SDHC: variants seen among roughly 807,000 people sequenced by gnomAD.
SDHC encodes succinate dehydrogenase complex subunit C, also known as succinate dehydrogenase cytochrome b560 subunit, mitochondrial.
Under a neutral mutation model 22.6 loss-of-function variants are expected in SDHC, and 11 were observed. The observed-to-expected ratio is 0.49, with a 90% CI of 0.31 to 0.81. SDHC has a LOEUF of 0.81. Among genes scored for constraint, SDHC ranks in the 30% least tolerant of loss-of-function variants. The pLI, the probability that SDHC is intolerant of heterozygous loss-of-function variation, is 0.05. For synonymous variants in SDHC, 80 were observed against 77.8 expected (o/e 1.03, Z -0.15); for missense variants, 160 against 212.0 (o/e 0.75, Z 1.52).
In SDHC at chr1:161,329,354, CAG is replaced by C. The variant is rs544712111; in HGVS notation, c.179+860_179+861del. 1.2e-3 allele frequency among the ~76,000 whole-genome samples: 180 copies of C among 151,942 alleles called. 1 individual carries two copies. Among genetic ancestry groups the C allele is most frequent in the African/African-American group, 4.2e-3 (174 of 41,436 alleles). ...TTCTTCTTTTTTTATTTTTCTGAGG[CAG>C]AGTCTTGCTTGGTCACCCAGGCTGG... is the stretch of plus-strand genomic sequence containing the variant. On this transcript the variant is annotated intron_variant, in intron 3 of 5. Coordinates refer to ENST00000367975, the MANE Select transcript of SDHC (RefSeq NM_003001.5).
At chr1:161,315,110 C>A (rs190740953) in intron 1 of SDHC, among the ~76,000 whole-genome samples, 1 of 152,290 alleles carries the variant, frequency 6.6e-6, no homozygotes, top group Admixed American at 6.5e-5. Flanking sequence ...CTGAACTTTC[C>A]GCTGTCTAGG....
intron 1 of SDHC, 159 bp downstream of exon 1, chr1:161,314,584 C>T: frequency 6.0e-6 from 5 of 829,602 alleles, no homozygotes; most frequent in Non-Finnish European, 9.9e-6. Flanking sequence ...CCCCTTTTCC[C>T]GTCCCCCCCA....
chr1:161,344,639 G>C (rs894207014), intron 4 of SDHC, among the ~76,000 whole-genome samples: 1 of 152,060 alleles, frequency 6.6e-6, no homozygotes, highest in African/African-American at 2.4e-5. Context: ...AATGTTGAAG[G>C]TCCCTCCATC....
chr1:161,318,976 G>A (rs1273406268), intron 1 of SDHC, among the ~76,000 whole-genome samples: 4 of 152,292 alleles, frequency 2.6e-5, no homozygotes, highest in Admixed American at 2.0e-4. Flanking sequence ...CCTGGGAGGC[G>A]GAGGTTGCAG....
chr1:161,356,664 G>A lies in SDHC; in HGVS notation c.242-13G>A. ...ATGAGCAGCTGTGACAAGCTACTTG[G>A]TTTTCTCCTCAGGGGTCTCTCTTTT... On this transcript the variant is annotated splice_polypyrimidine_tract_variant and intron_variant, in intron 4 of 5. Coordinates refer to ENST00000367975, the MANE Select transcript of SDHC (RefSeq NM_003001.5). The A allele has an allele frequency of 1.2e-6, 2 of 1,613,652 alleles. No individual in the cohort carries two copies. The highest frequency in any genetic ancestry group is 1.7e-6 in the Non-Finnish European group (2 of 1,179,838).
intron 1 of SDHC, among the ~76,000 whole-genome samples, chr1:161,322,937 T>C (rs1670891411): frequency 6.6e-6 from 1 of 152,112 alleles, no homozygotes; most frequent in African/African-American, 2.4e-5. Context: ...CCAGTGGGCT[T>C]ATTCTGTTTT....
chr1:161,361,812 C>T (rs1672520428), intron 5 of SDHC, among the ~76,000 whole-genome samples: 1 of 138,972 alleles, frequency 7.2e-6, no homozygotes, highest in Admixed American at 7.9e-5. Flanking sequence ...CACTGCACTC[C>T]AGCCTGGGCG....
At chr1:161,359,759 T>A (rs1331693484) in intron 5 of SDHC, among the ~76,000 whole-genome samples, 6 of 151,992 alleles carry the variant, frequency 3.9e-5, no homozygotes, top group Non-Finnish European at 5.9e-5. Flanking sequence ...TTGTGTTTTC[T>A]GTGACAGTCT....
chr1:161,333,242 T>G (rs1421591390), intron 3 of SDHC, among the ~76,000 whole-genome samples: 1 of 152,202 alleles, frequency 6.6e-6, no homozygotes, highest in Admixed American at 6.5e-5. Context: ...ATTTATAAAT[T>G]GATGGACGTT....
chr1:161,345,264 C>T (rs1290679205), intron 4 of SDHC, among the ~76,000 whole-genome samples: 1 of 152,168 alleles, frequency 6.6e-6, no homozygotes, highest in Admixed American at 6.5e-5. Flanking sequence ...TGACCTCTTG[C>T]TGCACTGTGC....
At chr1:161,355,090 C>T (rs1192685330) in intron 4 of SDHC, among the ~76,000 whole-genome samples, 2 of 152,184 alleles carry the variant, frequency 1.3e-5, no homozygotes, top group Non-Finnish European at 2.9e-5. Flanking sequence ...AGCCACTGAG[C>T]TCCAACAGAT....
At chr1:161,340,908 A>G (rs904588432) in intron 4 of SDHC, among the ~76,000 whole-genome samples, 3 of 152,104 alleles carry the variant, frequency 2.0e-5, no homozygotes, top group Non-Finnish European at 4.4e-5. Context: ...CAGTGGCGCG[A>G]TCTCGGCTCA....
chr1:161,338,385 G>A (rs563298122), intron 3 of SDHC, among the ~76,000 whole-genome samples: 1 of 152,260 alleles, frequency 6.6e-6, no homozygotes, highest in African/African-American at 2.4e-5. Flanking sequence ...TCTTCAAAGT[G>A]TTGAAGATAC....
At chr1:161,337,318 A>G (rs973911391) in intron 3 of SDHC, among the ~76,000 whole-genome samples, 1 of 152,228 alleles carries the variant, frequency 6.6e-6, no homozygotes, top group African/African-American at 2.4e-5. Context: ...CTGAAGATCC[A>G]GTCACTCACA....
chr1:161,314,679 A>G, intron 1 of SDHC: 5 of 564,970 alleles, frequency 8.9e-6, no homozygotes, highest in Non-Finnish European at 9.5e-6. Flanking sequence ...TGTTTTCCCC[A>G]CCTCCTCTAG....
At chr1:161,318,514 T>A (rs1670711260) in intron 1 of SDHC, among the ~76,000 whole-genome samples, 1 of 152,204 alleles carries the variant, frequency 6.6e-6, no homozygotes, top group African/African-American at 2.4e-5. Flanking sequence ...GGCTTCTATG[T>A]AATAATGTTC....
intron 4 of SDHC, 69 bp from the exon 5 acceptor site, chr1:161,356,608 C>G: frequency 6.7e-7 from 1 of 1,499,522 alleles, no homozygotes; most frequent in Non-Finnish European, 9.3e-7. Context: ...GCCAGGGGTC[C>G]CAGTTTTATG....
chr1:161,335,790 A>G (rs1363330831), intron 3 of SDHC, among the ~76,000 whole-genome samples: 2 of 152,184 alleles, frequency 1.3e-5, no homozygotes, highest in Admixed American at 6.5e-5. Flanking sequence ...GTGTGTGTAT[A>G]TAAGTATATA....
intron 1 of SDHC, among the ~76,000 whole-genome samples, chr1:161,322,920 G>C (rs1670890714): frequency 6.6e-6 from 1 of 152,096 alleles, no homozygotes; most frequent in Non-Finnish European, 1.5e-5. Context: ...CTATATGGTT[G>C]CAGTTACCAG....
Sources: allele counts gnomAD v4.1 joint callset (sites outside exome capture counted in the v4.1 genomes callset), GRCh38; gene constraint gnomAD v4.1.1; transcripts MANE v1.5; gene names NCBI Gene and HGNC (gene_info 2026-07-23, HGNC 2026-07-21).